LIPJ: variants seen among roughly 807,000 people sequenced by gnomAD.
LIPJ encodes lipase member J.
In LIPJ, 33 loss-of-function variants were observed where a neutral mutation model predicts 39.8. The observed-to-expected ratio is 0.83, with a 90% CI of 0.63 to 1.11. The LOEUF (loss-of-function observed/expected upper bound fraction) is 1.11. Ranked by LOEUF, LIPJ falls within the 50% of genes least tolerant of loss-of-function variation. The pLI is 0.00. For synonymous variants in LIPJ, 128 were observed against 139.2 expected, an observed-to-expected ratio of 0.92 and a Z score of 0.57; for missense variants, 422 against 427.9, an observed-to-expected ratio of 0.99 and a Z score of 0.12.
At chr10:88,584,601 T>G (rs534222043), upstream of LIPJ, 10 of 152,290 alleles carry the variant, frequency 6.6e-5, no homozygotes, top group East Asian at 1.9e-3. Flanking sequence ...TTGTTGAGTT[T>G]TTTGTTTTTT....
upstream of LIPJ, chr10:88,585,489 C>T (rs1228051906): frequency 1.3e-5 from 2 of 152,218 alleles, no homozygotes; most frequent in Non-Finnish European, 2.9e-5. Flanking sequence ...TCCATTTCCA[C>T]CAGCAATGGT....
At chr10:88,611,579 A>G (rs1289519307), downstream of LIPJ, among the ~76,000 whole-genome samples, 1 of 152,180 alleles carries the variant, frequency 6.6e-6, no homozygotes, top group Non-Finnish European at 1.5e-5. Context: ...AACAATTACC[A>G]CTTCTGGAAA....
rs375994917 is a variant in LIPJ at position 88,598,991 on chromosome 10, ATAT to A, written c.723+2059_723+2061del. On this transcript the variant is annotated intron_variant, in intron 8 of 10. Coordinates refer to ENST00000371939, the Ensembl canonical transcript of LIPJ. ...TATTATATTATTACAATAATATAAA[ATAT>A]TATATTATATTATAATAATATATTA... is the stretch of plus-strand genomic sequence containing the variant. Among the ~76,000 whole-genome samples the A allele has an allele frequency of 5.6e-4, 80 of 143,786 alleles. 2 individuals are homozygous for A. The East Asian group carries it at 0.011, about 20-fold the overall frequency. The allele number at this position is 143,786 out of a possible 152,430, so 94.3% of individuals were successfully genotyped here.
the LIPJ span, among the ~76,000 whole-genome samples, chr10:88,613,800 A>ATGTGTGTGTGTGTG: frequency 2.7e-5 from 2 of 74,156 alleles, no homozygotes; most frequent in African/African-American, 4.8e-5. Flanking sequence ...ATATATATAT[A>ATGTGTGTGTGTGTG]TGTGTGTGTG....
chr10:88,600,391 G>T (rs766651697), intron 8 of LIPJ, among the ~76,000 whole-genome samples: 1 of 151,900 alleles, frequency 6.6e-6, no homozygotes, highest in East Asian at 1.9e-4. Context: ...TGTATAGTCT[G>T]CTTTTAAATC....
intron 8 of LIPJ, among the ~76,000 whole-genome samples, chr10:88,599,304 T>A (rs544519214): frequency 3.3e-4 from 50 of 152,034 alleles, no homozygotes; most frequent in African/African-American, 1.1e-3. Flanking sequence ...TCTTAACAAA[T>A]TTCAAGTATA....
rs1239132201 is a variant in LIPJ at position 88,598,009 on chromosome 10, CT to C, written c.723+1074del. 2.6e-5 allele frequency among the ~76,000 whole-genome samples: 4 copies of C among 152,036 alleles called. No homozygotes were observed. In the East Asian group the frequency reaches 7.7e-4, roughly 29 times the overall value. On this transcript the variant is annotated intron_variant, in intron 8 of 10. Coordinates refer to ENST00000371939, the Ensembl canonical transcript of LIPJ. ...AAAGCTTACACTCTGGTTTTCTAGC[CT>C]CCAAAACTGTGGCATTTCTTCTGCA... is the stretch of plus-strand genomic sequence containing the variant.
chr10:88,606,975 T>TA (rs1432279669), exon 11 of LIPJ: 251 of 1,376,478 alleles, frequency 1.8e-4, no homozygotes, highest in South Asian at 1.7e-3. Flanking sequence ...TATTTTTTTT[T>TA]ACCTGTGTAT....
upstream of LIPJ, chr10:88,583,236 G>A: frequency 6.2e-7 from 1 of 1,606,350 alleles, no homozygotes; most frequent in Non-Finnish European, 8.5e-7. Context: ...CGGCGGGGCC[G>A]TTCGGCCCGG....
At chr10:88,616,750 A>C in the LIPJ span, among the ~76,000 whole-genome samples, 1 of 152,126 alleles carries the variant, frequency 6.6e-6, no homozygotes, top group Admixed American at 6.5e-5. Context: ...TGGCCTGGAG[A>C]AGGGGAGATG....
intron 4 of LIPJ, chr10:88,593,719 G>A: frequency 2.5e-6 from 1 of 397,014 alleles, no homozygotes; most frequent in Non-Finnish European, 4.5e-6. Flanking sequence ...ATTTAAGTGT[G>A]ATGTGACCTA....
chr10:88,617,890 G>T, the LIPJ span, among the ~76,000 whole-genome samples: 2 of 152,182 alleles, frequency 1.3e-5, no homozygotes, highest in African/African-American at 4.8e-5. Flanking sequence ...TCTACTAGTA[G>T]ATTGAATCAA....
the LIPJ span, among the ~76,000 whole-genome samples, chr10:88,612,551 T>C: frequency 1.3e-5 from 2 of 152,068 alleles, no homozygotes; most frequent in Admixed American, 1.3e-4. Flanking sequence ...AGATATTCCA[T>C]GCAAATGGAC....
downstream of LIPJ, among the ~76,000 whole-genome samples, chr10:88,608,199 T>C (rs1851708384): frequency 6.6e-6 from 1 of 152,212 alleles, no homozygotes; most frequent in African/African-American, 2.4e-5. Flanking sequence ...TGAGAAGCAC[T>C]TCTGAAGTTC....
chr10:88,583,365 G>A (rs1283217353), upstream of LIPJ: 1 of 1,398,272 alleles, frequency 7.2e-7, no homozygotes, highest in Non-Finnish European at 9.3e-7. Context: ...GAGGCGGCCG[G>A]AGCTGAGAGG....
the LIPJ span, among the ~76,000 whole-genome samples, chr10:88,614,212 T>A: frequency 1.3e-5 from 2 of 151,990 alleles, no homozygotes; most frequent in African/African-American, 4.8e-5. Flanking sequence ...TTTTAAGAAA[T>A]CCTTTTAGAG....
intron 9 of LIPJ, 147 bp downstream of exon 9, chr10:88,602,794 G>C (rs1056684220): frequency 5.2e-5 from 24 of 463,350 alleles, no homozygotes; most frequent in Non-Finnish European, 8.1e-5. Flanking sequence ...ATTCCTTACA[G>C]TTTATAAAAT....
chr10:88,616,911 G>A, the LIPJ span, among the ~76,000 whole-genome samples: 1 of 152,102 alleles, frequency 6.6e-6, no homozygotes, highest in Non-Finnish European at 1.5e-5. Flanking sequence ...AGGCCCTGCT[G>A]GGCTGGTGCT....
chr10:88,613,187 G>T, the LIPJ span, among the ~76,000 whole-genome samples: 2 of 152,218 alleles, frequency 1.3e-5, no homozygotes, highest in East Asian at 3.9e-4. Flanking sequence ...GGCAATAGCA[G>T]GCATCATTCC....
Sources: allele counts gnomAD v4.1 joint callset (sites outside exome capture counted in the v4.1 genomes callset), GRCh38; gene constraint gnomAD v4.1.1; transcripts MANE v1.5; gene names NCBI Gene and HGNC (gene_info 2026-07-23, HGNC 2026-07-21).